ZER1: variants seen among roughly 807,000 people sequenced by gnomAD.
ZER1 encodes zyg-11 related cell cycle regulator, also known as protein zer-1 homolog.
ZER1 carries 11 observed loss-of-function variants against 78.8 expected under a neutral mutation model. The ratio of observed to expected loss-of-function variants is 0.14; its 90% CI spans 0.09 to 0.23. The LOEUF (loss-of-function observed/expected upper bound fraction) is 0.23. Among genes scored for constraint, ZER1 ranks in the 10% least tolerant of loss-of-function variants. ZER1 has a pLI of 1.00. For synonymous variants in ZER1, 400 were observed against 407.0 expected (o/e 0.98, Z 0.21); for missense variants, 588 against 996.9 (o/e 0.59, Z 5.52).
chr9:128,734,381 G>C (rs1862985919), intron 14 of ZER1, among the ~76,000 whole-genome samples: 1 of 150,154 alleles, frequency 6.7e-6, no homozygotes, highest in African/African-American at 2.4e-5. Context: ...ATTTTTAGTA[G>C]AGACGGGGTT....
At chr9:128,762,070 C>A (rs185436509) in intron 1 of ZER1, among the ~76,000 whole-genome samples, 2 of 152,046 alleles carry the variant, frequency 1.3e-5, no homozygotes, top group East Asian at 3.9e-4. Flanking sequence ...CAGCCCAACA[C>A]AAATTTGTAA....
intron 1 of ZER1, among the ~76,000 whole-genome samples, chr9:128,770,331 T>C (rs1280531927): frequency 6.6e-6 from 1 of 152,088 alleles, no homozygotes; most frequent in Non-Finnish European, 1.5e-5. Context: ...GGTTTCACCA[T>C]GTCGGCCAGG....
intron 1 of ZER1, among the ~76,000 whole-genome samples, chr9:128,765,279 T>G (rs1292118807): frequency 3.3e-5 from 5 of 152,046 alleles, no homozygotes; most frequent in Non-Finnish European, 7.4e-5. Flanking sequence ...ACCTGTATCC[T>G]TGGTGTCTGA....
At position 128,752,819 on chromosome 9, in the gene ZER1, G is replaced by A. The variant is rs749810004; in HGVS notation, c.777C>T (p.Ser259=). The A allele has an allele frequency of 6.2e-6, 10 of 1,614,138 alleles. No individual in the cohort carries two copies. Among genetic ancestry groups the A allele is most frequent in the South Asian group, 5.5e-5 (5 of 91,084 alleles). Residue 259 remains serine, a synonymous_variant, in exon 5 of 16, where the codon TCC becomes TCT. Coordinates refer to ENST00000291900, the MANE Select transcript of ZER1 (RefSeq NM_006336.4). ...RHLDISRDRL[S]SYYKFKLTRE... ...GAGTCAGCTTGAACTTGTAGTAGCT[G>A]GAGAGGCGGTCTCGGGAGATGTCCA...
intron 13 of ZER1, among the ~76,000 whole-genome samples, chr9:128,739,173 G>A (rs1243249362): frequency 2.0e-5 from 3 of 151,920 alleles, no homozygotes; most frequent in Non-Finnish European, 4.4e-5. Context: ...TTTTCGTAAA[G>A]AGGAAGTCTC....
chr9:128,742,812 T>G, intron 8 of ZER1, 67 bp from the exon 9 acceptor site: 3 of 1,491,466 alleles, frequency 2.0e-6, no homozygotes, highest in Non-Finnish European at 2.7e-6. Flanking sequence ...CTCTAGGAAC[T>G]ATCTAGAGGT....
At chr9:128,767,877 A>T (rs1292623489) in intron 1 of ZER1, among the ~76,000 whole-genome samples, 1 of 152,196 alleles carries the variant, frequency 6.6e-6, no homozygotes. Flanking sequence ...TGGGGTCTCC[A>T]TTACAGAGTA....
At chr9:128,769,196 C>A (rs1298020063) in intron 1 of ZER1, among the ~76,000 whole-genome samples, 1 of 152,200 alleles carries the variant, frequency 6.6e-6, no homozygotes, top group East Asian at 1.9e-4. Context: ...TCAAATCCTA[C>A]TAGTTGATGG....
chr9:128,754,355 A>G lies in ZER1; in HGVS notation c.159-396T>C, dbSNP rs947931715. 6.6e-6 allele frequency among the ~76,000 whole-genome samples: 1 copy of G among 152,252 alleles called. No individual in the cohort carries two copies. The highest frequency in any genetic ancestry group is 1.5e-5 in the Non-Finnish European group (1 of 68,046). ...TAGTTCAGAGTTCCCAGCTGGGTACAGGACAAGCCCTTAATGAAGCCCTGT... is the reference window on the plus strand; with the variant it reads ...TAGTTCAGAGTTCCCAGCTGGGTACGGGACAAGCCCTTAATGAAGCCCTGT... On this transcript the variant is annotated intron_variant, in intron 2 of 15. Coordinates refer to ENST00000291900, the MANE Select transcript of ZER1 (RefSeq NM_006336.4). The surrounding 1 kb of genome is among the most constrained non-coding windows in gnomAD (Gnocchi z 4.3).
Position 128,751,735 on chromosome 9 carries a change from G to A in ZER1, c.924-208C>T, listed in dbSNP as rs910702035. On this transcript the variant is annotated intron_variant, in intron 5 of 15. Coordinates refer to ENST00000291900, the MANE Select transcript of ZER1 (RefSeq NM_006336.4). This position sits in a 1 kb window ranked among gnomAD's most constrained non-coding sequence, Gnocchi z 5.4. ...CACATAGTAGGGGAACACATAGGAT[G>A]GGCAATGCAGCCACCTTTAGAAACC... Among the ~76,000 whole-genome samples the A allele has an allele frequency of 6.6e-6, 1 of 152,182 alleles. No homozygotes were observed. The highest frequency in any genetic ancestry group is 2.4e-5 in the African/African-American group (1 of 41,452).
intron 8 of ZER1, among the ~76,000 whole-genome samples, chr9:128,749,728 G>T (rs568980368): frequency 3.8e-4 from 57 of 151,048 alleles, no homozygotes; most frequent in Non-Finnish European, 5.9e-4. Flanking sequence ...GGGCAACAGA[G>T]CAAGACTCCA....
At chr9:128,764,679 G>A (rs1042265559) in intron 1 of ZER1, among the ~76,000 whole-genome samples, 6 of 152,168 alleles carry the variant, frequency 3.9e-5, no homozygotes, top group Non-Finnish European at 8.8e-5. Context: ...GACCCATCCA[G>A]CTGCGGGCCT....
Position 128,731,281 on chromosome 9 carries a change from C to T in ZER1, c.*56G>A. The T allele has an allele frequency of 6.3e-7, 1 of 1,584,088 alleles. No individual in the cohort carries two copies. Among genetic ancestry groups the T allele is most frequent in the Non-Finnish European group, 8.6e-7 (1 of 1,158,128 alleles). ...GGGCCCGCCCGCTGGGCTGCTTGAG[C>T]ATGCTTCCTCCCCGCCTGTGGTCCA... is the stretch of plus-strand genomic sequence containing the variant. On this transcript the variant is annotated 3_prime_UTR_variant, in exon 16 of 16. Transcript: ENST00000291900.
chr9:128,761,375 T>C (rs2132474991), intron 1 of ZER1, among the ~76,000 whole-genome samples: 1 of 150,314 alleles, frequency 6.7e-6, no homozygotes, highest in East Asian at 2.0e-4. Flanking sequence ...CAACCTCTGC[T>C]TTCCAGGTTC....
At chr9:128,750,964 GCAAGT>G (rs981908799) in intron 7 of ZER1, among the ~76,000 whole-genome samples, 153 bp downstream of exon 7, 1 of 152,188 alleles carries the variant, frequency 6.6e-6, no homozygotes, top group African/African-American at 2.4e-5. Context: ...CAGTGCTGAA[GCAAGT>G]CAAGTGCTGT....
intron 15 of ZER1, chr9:128,733,217 C>T (rs756978920): frequency 2.2e-4 from 112 of 508,370 alleles, no homozygotes; most frequent in Middle Eastern, 5.3e-4. Flanking sequence ...TGCTCCGTTC[C>T]GAGCTTGGTC....
chr9:128,763,421 G>C (rs1864110312), intron 1 of ZER1, among the ~76,000 whole-genome samples: 1 of 152,200 alleles, frequency 6.6e-6, no homozygotes, highest in African/African-American at 2.4e-5. Flanking sequence ...AGGTCCATGA[G>C]GGCAAAACCA....
At chr9:128,761,538 C>CG (rs57696135) in intron 1 of ZER1, among the ~76,000 whole-genome samples, 149,063 of 149,830 alleles carry the variant, frequency 0.99, 74,155 homozygotes, top group East Asian at 1. Context: ...CCACCCGCCT[C>CG]GCCTCCCAAA....
rs1371985524 is a variant in ZER1 at position 128,747,622 on chromosome 9, GTT to G, written c.1359+2992_1359+2993del. On this transcript the variant is annotated intron_variant, in intron 8 of 15. Transcript: ENST00000291900. ...TTTAGGTATCTTTTTTTTGTTTTTG[GTT>G]TTGTTTTGACACAGAGTCTTGCTTC... Among the ~76,000 whole-genome samples, 7 of 151,888 alleles carry G rather than the reference GTT, an allele frequency of 4.6e-5. No homozygotes were observed. The East Asian group carries it at 1.3e-3, about 29-fold the overall frequency.
Sources: allele counts gnomAD v4.1 joint callset (sites outside exome capture counted in the v4.1 genomes callset), GRCh38; gene constraint gnomAD v4.1.1; non-coding constraint Gnocchi (gnomAD v3.1); transcripts MANE v1.5; gene names NCBI Gene and HGNC (gene_info 2026-07-23, HGNC 2026-07-21).